Variants in MICAL3 observed in about 807,000 individuals in gnomAD.
MICAL3 encodes the protein microtubule associated monooxygenase, calponin and LIM domain containing 3.
A neutral mutation model predicts 207.4 loss-of-function variants in MICAL3; 62 were observed. The ratio of observed to expected loss-of-function variants is 0.30; its 90% confidence interval spans 0.24 to 0.37. The LOEUF is 0.37. Among genes scored for constraint, MICAL3 ranks in the 10% least tolerant of loss-of-function variants. The probability of loss-of-function intolerance (pLI) is 1.00; values close to 1 mark genes in which losing one functional copy is unlikely to be tolerated. For synonymous variants in MICAL3, 1,077 were observed against 1,069.3 expected (o/e 1.01, Z -0.14); for missense variants, 2,368 against 2,635.6 (o/e 0.90, Z 2.22).
At chr22:17,871,188 G>A (rs1366246926) in intron 17 of MICAL3, among the ~76,000 whole-genome samples, 1 of 152,168 alleles carries the variant, frequency 6.6e-6, no homozygotes, top group Non-Finnish European at 1.5e-5. Context: ...TGCCCATCAC[G>A]ATGGCTCTAT....
At chr22:17,979,788 A>C (rs34888738) in intron 1 of MICAL3, among the ~76,000 whole-genome samples, 40,516 of 150,426 alleles carry the variant, frequency 0.27, 5,851 homozygotes, top group African/African-American at 0.37. Context: ...AAAAAACAAA[A>C]AAAAACAAAA....
chr22:17,993,204 A>G (rs1380036234), intron 1 of MICAL3, among the ~76,000 whole-genome samples: 3 of 152,064 alleles, frequency 2.0e-5, no homozygotes, highest in South Asian at 4.1e-4. Context: ...GTTCTGTTCC[A>G]TAAGTTCATG....
intron 29 of MICAL3, among the ~76,000 whole-genome samples, chr22:17,801,298 G>A (rs1445584819): frequency 2.1e-4 from 22 of 102,614 alleles, no homozygotes; most frequent in South Asian, 6.3e-4. Flanking sequence ...GACTACAGGC[G>A]CCCGCCACTA....
intron 1 of MICAL3, among the ~76,000 whole-genome samples, chr22:17,912,830 C>T (rs774451458): frequency 2.0e-5 from 3 of 152,118 alleles, no homozygotes; most frequent in African/African-American, 7.2e-5. Context: ...TTTTTCTGGC[C>T]TAACTGCTCT....
At chr22:17,966,278 T>C (rs779468185) in intron 1 of MICAL3, among the ~76,000 whole-genome samples, 1 of 152,154 alleles carries the variant, frequency 6.6e-6, no homozygotes, top group Non-Finnish European at 1.5e-5. Context: ...CCACAGCCTG[T>C]GGGCACATTC....
Position 17,821,446 on chromosome 22 carries a change from A to G in MICAL3, c.3512T>C (p.Val1171Ala). The G allele has an allele frequency of 6.5e-7, 1 of 1,544,612 alleles. No homozygotes were observed. Among genetic ancestry groups the G allele is most frequent in the Non-Finnish European group, 8.7e-7 (1 of 1,144,870 alleles). Residue 1171 changes from valine (V) to alanine (A), a missense_variant, in exon 25 of 32, where the codon GTC (valine) becomes GCC (alanine). Coordinates refer to ENST00000441493, the MANE Select transcript of MICAL3 (RefSeq NM_015241.3). Reference protein sequence around the residue: ...PQESALLFIPVHSPSTEGPQL... With the variant: ...PQESALLFIPAHSPSTEGPQL... Reference sequence around the variant, plus strand: ...CCTTACCTCTGTTGAGGGGCTGTGGACTGGAATGAACAGAAGAGCTGATTC... The same window carrying G: ...CCTTACCTCTGTTGAGGGGCTGTGGGCTGGAATGAACAGAAGAGCTGATTC...
rs1210327829 is a variant in MICAL3 at position 17,808,482 on chromosome 22, A to G, written c.5650+362T>C. Among the ~76,000 whole-genome samples, 4 of 152,144 alleles carry G rather than the reference A, an allele frequency of 2.6e-5. No homozygotes were observed. In the East Asian group the frequency reaches 7.7e-4, roughly 29 times the overall value. ...GCAGGCTGGGGACCTGCTCAGTGCA[A>G]TTCTGTGATGGTTCCTTGCGGTTCA... On this transcript the variant is annotated intron_variant, in intron 29 of 31. Coordinates refer to ENST00000441493, the MANE Select transcript of MICAL3 (RefSeq NM_015241.3).
intron 19 of MICAL3, among the ~76,000 whole-genome samples, chr22:17,847,760 G>A (rs1924787021): frequency 6.6e-6 from 1 of 152,198 alleles, no homozygotes; most frequent in Admixed American, 6.5e-5. Context: ...GTTTTTACCA[G>A]GCGGTACTGG....
intron 16 of MICAL3, among the ~76,000 whole-genome samples, chr22:17,877,135 GGGAGGTTATGGAGGTT>G (rs1928674355): frequency 2.5e-5 from 3 of 121,638 alleles, no homozygotes; most frequent in African/African-American, 1.2e-4. Flanking sequence ...ATGGAGGTTA[GGGAGGTTATGGAGGTT>G]AGGGAGGTTA....
At chr22:17,833,208 T>C (rs1922998867) in intron 20 of MICAL3, among the ~76,000 whole-genome samples, 1 of 152,230 alleles carries the variant, frequency 6.6e-6, no homozygotes, top group Non-Finnish European at 1.5e-5. Context: ...CCTGTGGGGC[T>C]CCAATACACG....
Position 17,841,618 on chromosome 22 carries a change from G to A in MICAL3, c.2801+204C>T. 1.7e-6 allele frequency: 1 copy of A among 597,304 alleles called. No homozygotes were observed. Among genetic ancestry groups the A allele is most frequent in the Non-Finnish European group, 3.0e-6 (1 of 335,340 alleles). The allele number at this position is 597,304 out of a possible 1,614,324, so 37.0% of individuals were successfully genotyped here. A position where few individuals can be genotyped will look rare whatever the true frequency, so the allele number is the denominator to read the frequency against. ...GGTCCTCAAGGAATAAATACTTCCT[G>A]AATCTCTGAATTGAGTCTGATGGAG... is the stretch of plus-strand genomic sequence containing the variant. On this transcript the variant is annotated intron_variant, in intron 20 of 31. Transcript: ENST00000441493. The surrounding 1 kb of genome is among the most constrained non-coding windows in gnomAD (Gnocchi z 4.2).
At chr22:17,847,200 G>A (rs1421034394) in intron 19 of MICAL3, among the ~76,000 whole-genome samples, 1 of 152,210 alleles carries the variant, frequency 6.6e-6, no homozygotes, top group East Asian at 1.9e-4. Flanking sequence ...ACACTTCAGG[G>A]CTCCGCGCCG....
chr22:17,881,379 T>C lies in MICAL3; in HGVS notation c.2241+4499A>G, dbSNP rs1929415581. ...ATGTGGAAGCTGGTTCTGGGAGGAC[T>C]GAAGGGTGTTTGTCAGAAGCACCCC... On this transcript the variant is annotated intron_variant, in intron 16 of 31. Coordinates refer to ENST00000441493, the MANE Select transcript of MICAL3 (RefSeq NM_015241.3). 15 of 1,240,426 alleles carry C rather than the reference T, an allele frequency of 1.2e-5. 1 individual carries two copies. In the South Asian group the frequency reaches 1.5e-4, roughly 12 times the overall value. 76.8% of individuals were successfully genotyped at this position (1,240,426 alleles called of 1,614,324 possible).
intron 1 of MICAL3, among the ~76,000 whole-genome samples, chr22:17,968,896 A>G (rs567448184): frequency 6.6e-6 from 1 of 152,382 alleles, no homozygotes; most frequent in South Asian, 2.1e-4. Flanking sequence ...TTAACTACAA[A>G]TAAATGGTCT....
chr22:17,902,096 T>C lies in MICAL3; in HGVS notation c.590-117A>G, dbSNP rs1211792537. 5 of 694,358 alleles carry C rather than the reference T, an allele frequency of 7.2e-6. No individual in the cohort carries two copies. The highest frequency in any genetic ancestry group is 7.2e-5 in the Admixed American group (3 of 41,728). The allele number at this position is 694,358 out of a possible 1,614,324, so 43.0% of individuals were successfully genotyped here. ...AAAACCCTGGGCCAAAAACACTATG[T>C]GTAGAAGCAGTGGAGACAGAGGCTG... On this transcript the variant is annotated intron_variant, in intron 4 of 31. Transcript: ENST00000441493. This position sits in a 1 kb window ranked among gnomAD's most constrained non-coding sequence, Gnocchi z 4.5.
intron 22 of MICAL3, among the ~76,000 whole-genome samples, chr22:17,823,845 T>C (rs2146024107): frequency 6.6e-6 from 1 of 152,284 alleles, no homozygotes; most frequent in South Asian, 2.1e-4. Context: ...AGAGGGACCG[T>C]TTCTTTAGCG....
intron 1 of MICAL3, among the ~76,000 whole-genome samples, chr22:17,914,161 TG>T (rs1932323281): frequency 6.6e-6 from 1 of 152,188 alleles, no homozygotes; most frequent in Non-Finnish European, 1.5e-5. Flanking sequence ...AGGGTTCAGA[TG>T]GTTTTGTTTT....
intron 19 of MICAL3, among the ~76,000 whole-genome samples, chr22:17,843,067 A>G (rs544588158): frequency 4.9e-4 from 70 of 142,652 alleles, no homozygotes; most frequent in African/African-American, 1.1e-3. Context: ...CTTGCAGTGA[A>G]CCGAGATTGC....
chr22:17,916,345 A>G (rs547367215), intron 1 of MICAL3, among the ~76,000 whole-genome samples: 4 of 152,188 alleles, frequency 2.6e-5, no homozygotes, highest in African/African-American at 9.6e-5. Flanking sequence ...CCTTCCCTGC[A>G]GTGATCCTCC....
Sources: gnomAD v4.1 joint callset for allele counts (sites outside exome capture counted in the v4.1 genomes callset) on GRCh38, gnomAD v4.1.1 for gene constraint, Gnocchi (gnomAD v3.1) non-coding constraint, MANE v1.5 for transcripts, NCBI Gene and HGNC (gene_info 2026-07-23, HGNC 2026-07-21) for gene names.